PVT1: variants seen among roughly 807,000 people sequenced by gnomAD.
PVT1 encodes the protein Pvt1 oncogene.
chr8:127,946,268 A>T (rs1257973118), intron 3 of PVT1, among the ~76,000 whole-genome samples: 3 of 152,212 alleles, frequency 2.0e-5, no homozygotes, highest in African/African-American at 7.2e-5. Flanking sequence ...AGACACTCTT[A>T]GGTGCTAGGG....
intron 4 of PVT1, among the ~76,000 whole-genome samples, chr8:128,059,649 A>C (rs192627276): frequency 1.3e-5 from 2 of 152,350 alleles, no homozygotes; most frequent in Admixed American, 6.5e-5. Context: ...GTGGCCTCAC[A>C]ATGCCCAGGA....
rs774441674 is a variant in PVT1 at position 127,937,576 on chromosome 8, C to CAGAG, written n.782+46579_782+46580insGAGA. On this transcript the variant is annotated intron_variant and non_coding_transcript_variant, in intron 3 of 10. Coordinates refer to ENST00000651587, the Ensembl canonical transcript of PVT1. Reference sequence around the variant, plus strand: ...ACACACACACACACACACACACACACACACAGAGAGAGAGAGAGAGAGAGA... The same window carrying CAGAG: ...ACACACACACACACACACACACACACAGAGACACAGAGAGAGAGAGAGAGAGAGA... Among the ~76,000 whole-genome samples, 152 of 122,510 alleles carry CAGAG rather than the reference C, an allele frequency of 1.2e-3. 3 individuals are homozygous for CAGAG. Among genetic ancestry groups the CAGAG allele is most frequent in the Middle Eastern group, 4.2e-3 (1 of 238 alleles). 80.4% of individuals were successfully genotyped at this position (122,510 alleles called of 152,430 possible).
intron 2 of PVT1, among the ~76,000 whole-genome samples, chr8:127,874,222 A>G (rs1011306507): frequency 3.3e-5 from 5 of 152,194 alleles, no homozygotes; most frequent in African/African-American, 4.8e-5. Flanking sequence ...TGATAATGTC[A>G]TGATGCCATG....
At chr8:127,936,694 C>A (rs935522853) in intron 3 of PVT1, among the ~76,000 whole-genome samples, 1 of 152,312 alleles carries the variant, frequency 6.6e-6, no homozygotes, top group East Asian at 1.9e-4. Context: ...CAGGGCTGAG[C>A]TGCTTCCTCT....
At chr8:127,897,685 AAAGG>A (rs575397647) in intron 3 of PVT1, among the ~76,000 whole-genome samples, 1 of 151,050 alleles carries the variant, frequency 6.6e-6, no homozygotes, top group Admixed American at 6.6e-5. Flanking sequence ...AAAGAAAGAA[AAAGG>A]AAGGAAGGAA....
chr8:127,927,018 C>G (rs1816138370), intron 3 of PVT1, among the ~76,000 whole-genome samples: 1 of 152,168 alleles, frequency 6.6e-6, no homozygotes. Context: ...CGACAATGAC[C>G]TCAGCAGAAA....
chr8:127,959,273 A>T (rs1816608223), intron 3 of PVT1, among the ~76,000 whole-genome samples: 1 of 152,146 alleles, frequency 6.6e-6, no homozygotes, highest in South Asian at 2.1e-4. Context: ...TAAATATTCT[A>T]CACTCTGGGG....
In PVT1 at chr8:128,075,450, T is replaced by A. The variant is rs78370463; in HGVS notation, n.1114+5089T>A. Among the ~76,000 whole-genome samples the A allele has an allele frequency of 1.4e-3, 209 of 144,200 alleles. 1 individual carries two copies. Among genetic ancestry groups the A allele is most frequent in the African/African-American group, 3.7e-3 (145 of 39,518 alleles). The allele number at this position is 144,200 out of a possible 152,430, so 94.6% of individuals were successfully genotyped here. A position where few individuals can be genotyped will look rare whatever the true frequency, so the allele number is the denominator to read the frequency against. On this transcript the variant is annotated intron_variant and non_coding_transcript_variant, in intron 5 of 10. Coordinates refer to ENST00000651587, the Ensembl canonical transcript of PVT1. ...TTATATTTCTATTTTCTCCTTTTTT[T>A]AAAAAAAAATCTTTTATTACGTAAA...
At chr8:127,962,725 T>C (rs917754117) in intron 3 of PVT1, among the ~76,000 whole-genome samples, 1 of 151,996 alleles carries the variant, frequency 6.6e-6, no homozygotes, top group Non-Finnish European at 1.5e-5. Flanking sequence ...GCCTCCCGAG[T>C]AGCTGGGATT....
At chr8:127,817,443 A>T (rs1420420747) in intron 2 of PVT1, among the ~76,000 whole-genome samples, 4 of 91,418 alleles carry the variant, frequency 4.4e-5, no homozygotes, top group Non-Finnish European at 1.0e-4. Flanking sequence ...TTACAGACTC[A>T]ATTTAACCCT....
At chr8:128,009,762 T>C (rs952410662) in intron 4 of PVT1, 4 of 152,244 alleles carry the variant, frequency 2.6e-5, no homozygotes, top group South Asian at 2.1e-4. Context: ...GTGTTTGAGA[T>C]GACTAGCAGG....
intron 2 of PVT1, among the ~76,000 whole-genome samples, chr8:127,823,681 C>T (rs1041709636): frequency 2.0e-5 from 3 of 152,172 alleles, no homozygotes; most frequent in African/African-American, 7.2e-5. Flanking sequence ...CCCATTTTCC[C>T]CCTGGCAAGG....
At chr8:127,860,864 C>A (rs1815219457) in intron 2 of PVT1, among the ~76,000 whole-genome samples, 1 of 151,990 alleles carries the variant, frequency 6.6e-6, no homozygotes, top group East Asian at 1.9e-4. Flanking sequence ...TTCTCTCCCT[C>A]CTACTCGGTG....
intron 4 of PVT1, among the ~76,000 whole-genome samples, chr8:128,013,737 C>A (rs1296635363): frequency 6.6e-6 from 1 of 152,212 alleles, no homozygotes; most frequent in Non-Finnish European, 1.5e-5. Flanking sequence ...TTCCCTTCCA[C>A]ATATAGTGTC....
intron 3 of PVT1, among the ~76,000 whole-genome samples, chr8:127,904,841 T>C (rs888360728): frequency 3.3e-5 from 5 of 152,120 alleles, no homozygotes; most frequent in Non-Finnish European, 5.9e-5. Context: ...GTGTAAAAAT[T>C]AGGAAGAATT....
rs997485014 is a variant in PVT1 at position 128,020,290 on chromosome 8, G to T, written n.912+30999G>T. Among the ~76,000 whole-genome samples the T allele has an allele frequency of 3.9e-5, 6 of 152,222 alleles. 1 individual carries two copies. The highest frequency in any genetic ancestry group is 4.1e-4 in the South Asian group (2 of 4,834). Reference sequence around the variant, plus strand: ...AGGGGACTTTGCAGATGTAATTAAGGTTACTAATCAATTGACTTCTAATAG... The same window carrying T: ...AGGGGACTTTGCAGATGTAATTAAGTTTACTAATCAATTGACTTCTAATAG... On this transcript the variant is annotated intron_variant and non_coding_transcript_variant, in intron 4 of 10. Transcript: ENST00000651587.
intron 3 of PVT1, among the ~76,000 whole-genome samples, chr8:127,908,415 C>T (rs111671262): frequency 1.3e-4 from 20 of 149,880 alleles, no homozygotes; most frequent in African/African-American, 2.7e-4. Flanking sequence ...GATATTGACT[C>T]GCTGCAACCT....
intron 5 of PVT1, among the ~76,000 whole-genome samples, chr8:128,087,770 T>TTTTTTTTTTTTTTTTTTTTTTG (rs370583568): frequency 1.7e-5 from 2 of 115,592 alleles, no homozygotes; most frequent in African/African-American, 3.3e-5. Context: ...TTTTTTTTTT[T>TTTTTTTTTTTTTTTTTTTTTTG]GAGATGGAGT....
intron 2 of PVT1, among the ~76,000 whole-genome samples, chr8:127,819,865 GAGGTGGAATTAGA>G (rs1814710460): frequency 6.6e-6 from 1 of 152,194 alleles, no homozygotes; most frequent in Non-Finnish European, 1.5e-5. Context: ...AAGAAATGCA[GAGGTGGAATTAGA>G]AGGTGCGTGT....
Sources: gnomAD v4.1 joint callset for allele counts (sites outside exome capture counted in the v4.1 genomes callset) on GRCh38, gnomAD v4.1.1 for gene constraint, MANE v1.5 for transcripts, NCBI Gene and HGNC (gene_info 2026-07-23, HGNC 2026-07-21) for gene names.